TLN2: variants seen among roughly 807,000 people sequenced by gnomAD.
TLN2 encodes talin 2.
Under a neutral mutation model 294.7 loss-of-function variants are expected in TLN2, and 118 were observed. The ratio of observed to expected loss-of-function variants is 0.40; its 90% confidence interval spans 0.34 to 0.47. The LOEUF is 0.47. Ranked by LOEUF, TLN2 falls within the 20% of genes least tolerant of loss-of-function variation. TLN2 has a pLI of 0.84. For missense variants in TLN2, 3,083 were observed against 3,282.2 expected (o/e 0.94, Z 1.48); for synonymous variants, 1,431 against 1,304.5 (o/e 1.10, Z -2.09).
In TLN2 at chr15:62,843,343, C is replaced by G. The variant is rs1463923366; in HGVS notation, c.*2733C>G. On this transcript the variant is annotated 3_prime_UTR_variant, in exon 59 of 59. Coordinates refer to ENST00000636159, the MANE Select transcript of TLN2 (RefSeq NM_015059.3). ...TTTGAAAATTTAGATTTTACTTGGG[C>G]CTTTCAGGAGTCTTTAGATAGGGAT... is the stretch of plus-strand genomic sequence containing the variant. The G allele has an allele frequency of 6.6e-6, 1 of 152,234 alleles. No individual in the cohort carries two copies. The highest frequency in any genetic ancestry group is 1.5e-5 in the Non-Finnish European group (1 of 68,048). The allele number at this position is 152,234 out of a possible 1,614,324, so 9.4% of individuals were successfully genotyped here.
intron 1 of TLN2, among the ~76,000 whole-genome samples, chr15:62,430,586 T>C (rs765276541): frequency 6.6e-6 from 1 of 152,210 alleles, no homozygotes; most frequent in African/African-American, 2.4e-5. Flanking sequence ...TTTAATACTT[T>C]AATTCTGCAG....
chr15:62,844,160 C>T lies in TLN2; in HGVS notation c.*3550C>T, dbSNP rs1026518373. On this transcript the variant is annotated 3_prime_UTR_variant, in exon 59 of 59. Transcript: ENST00000636159. ...CAGTAGTGGCTCTGGTCCTATCTCTCCACAGTGCTGGCCTCTGCTGGGGAA... is the reference window on the plus strand; with the variant it reads ...CAGTAGTGGCTCTGGTCCTATCTCTTCACAGTGCTGGCCTCTGCTGGGGAA... The T allele has an allele frequency of 1.3e-5, 2 of 152,132 alleles. No individual in the cohort carries two copies. Among genetic ancestry groups the T allele is most frequent in the Admixed American group, 6.6e-5 (1 of 15,266 alleles). 9.4% of individuals were successfully genotyped at this position (152,132 alleles called of 1,614,324 possible).
chr15:62,730,172 G>T (rs1331696494), intron 28 of TLN2, among the ~76,000 whole-genome samples: 2 of 151,826 alleles, frequency 1.3e-5, no homozygotes, highest in African/African-American at 2.4e-5. Context: ...CTCCTAAGTG[G>T]CTGGGACTAT....
intron 1 of TLN2, among the ~76,000 whole-genome samples, chr15:62,482,936 G>A (rs1401211712): frequency 6.6e-6 from 1 of 152,174 alleles, no homozygotes; most frequent in Non-Finnish European, 1.5e-5. Flanking sequence ...CACAGTGCTT[G>A]GTGTTGACAG....
chr15:62,406,893 CT>C (rs2140246358), intron 1 of TLN2, among the ~76,000 whole-genome samples: 1 of 152,282 alleles, frequency 6.6e-6, no homozygotes, highest in South Asian at 2.1e-4. Context: ...TTGATTCTCT[CT>C]GTAAAGACCC....
intron 1 of TLN2, among the ~76,000 whole-genome samples, chr15:62,429,994 A>G (rs985136371): frequency 4.1e-4 from 63 of 152,352 alleles, no homozygotes; most frequent in African/African-American, 1.5e-3. Context: ...ACTGATAAGA[A>G]AAAAGGTTTT....
intron 1 of TLN2, among the ~76,000 whole-genome samples, chr15:62,399,081 C>T (rs982297295): frequency 3.3e-5 from 5 of 151,876 alleles, no homozygotes; most frequent in Admixed American, 1.3e-4. Flanking sequence ...GCCATTGCTT[C>T]GTAGGATGCA....
chr15:62,424,442 T>C (rs12911081), intron 1 of TLN2, among the ~76,000 whole-genome samples: 70,703 of 151,928 alleles, frequency 0.47, 17,252 homozygotes, highest in Middle Eastern at 0.66. Context: ...AGGATGGCTC[T>C]GGTGTCAGCA....
At chr15:62,693,955 C>CTTTTTTTTTTTTTT (rs71131123) in intron 13 of TLN2, among the ~76,000 whole-genome samples, 3 of 94,226 alleles carry the variant, frequency 3.2e-5, no homozygotes, top group African/African-American at 8.0e-5. Context: ...GATTTTCTTT[C>CTTTTTTTTTTTTTT]TTTTTTTTTT....
intron 24 of TLN2, among the ~76,000 whole-genome samples, 172 bp from the exon 25 acceptor site, chr15:62,719,595 A>G (rs1279625798): frequency 6.6e-6 from 1 of 152,224 alleles, no homozygotes; most frequent in African/African-American, 2.4e-5. Context: ...AATGGGATTC[A>G]GTGTTGGTAA....
intron 1 of TLN2, among the ~76,000 whole-genome samples, chr15:62,575,322 AAAAC>A (rs1453049090): frequency 3.3e-5 from 5 of 152,224 alleles, no homozygotes; most frequent in Non-Finnish European, 4.4e-5. Flanking sequence ...CCTATCTCCA[AAAAC>A]AAACAAACAA....
intron 27 of TLN2, 74 bp downstream of exon 27, chr15:62,725,178 T>G: frequency 6.6e-7 from 1 of 1,522,166 alleles, no homozygotes; most frequent in East Asian, 2.3e-5. Context: ...GTTGTTAGGG[T>G]GTTTGCTAAA....
At chr15:62,794,326 A>G (rs1208547898) in intron 46 of TLN2, among the ~76,000 whole-genome samples, 1 of 152,098 alleles carries the variant, frequency 6.6e-6, no homozygotes, top group Non-Finnish European at 1.5e-5. Context: ...GTGTCTCGTT[A>G]TATGCCTTGA....
chr15:62,542,585 T>A (rs1182882061), intron 1 of TLN2, among the ~76,000 whole-genome samples: 1 of 152,136 alleles, frequency 6.6e-6, no homozygotes, highest in Admixed American at 6.5e-5. Context: ...TGGTTGCAAG[T>A]AAAAGAAGAC....
chr15:62,588,828 AG>A (rs2045866706), intron 1 of TLN2, among the ~76,000 whole-genome samples: 1 of 150,640 alleles, frequency 6.6e-6, no homozygotes, highest in Non-Finnish European at 1.5e-5. Context: ...AAAATAGAGC[AG>A]AAATTTTAAA....
At chr15:62,631,907 T>A (rs2049935139) in intron 3 of TLN2, among the ~76,000 whole-genome samples, 1 of 152,066 alleles carries the variant, frequency 6.6e-6, no homozygotes, top group Non-Finnish European at 1.5e-5. Flanking sequence ...AGGTATTTTT[T>A]AATAGTCTCC....
intron 1 of TLN2, among the ~76,000 whole-genome samples, chr15:62,534,021 A>G (rs573493738): frequency 3.3e-5 from 5 of 152,248 alleles, no homozygotes; most frequent in Admixed American, 2.0e-4. Context: ...GTTAGTGTGA[A>G]TATCAGTCAC....
chr15:62,628,038 G>T (rs916248120), intron 3 of TLN2, among the ~76,000 whole-genome samples: 1 of 152,166 alleles, frequency 6.6e-6, no homozygotes, highest in African/African-American at 2.4e-5. Flanking sequence ...AAACATTCTC[G>T]TTTTCTAGAG....
chr15:62,636,083 A>G (rs550305655), intron 3 of TLN2, among the ~76,000 whole-genome samples: 1 of 152,170 alleles, frequency 6.6e-6, no homozygotes, highest in Non-Finnish European at 1.5e-5. Flanking sequence ...GCGCGTAATC[A>G]CTTACATGTG....
Sources: gnomAD v4.1 joint callset for allele counts (sites outside exome capture counted in the v4.1 genomes callset) on GRCh38, gnomAD v4.1.1 for gene constraint, MANE v1.5 for transcripts, NCBI Gene and HGNC (gene_info 2026-07-23, HGNC 2026-07-21) for gene names.